Variants in CELF2 observed in about 807,000 individuals in gnomAD.
CELF2 encodes CUG triplet repeat RNA-binding protein 2.
Under a neutral mutation model 62.6 loss-of-function variants are expected in CELF2, and 8 were observed. The observed-to-expected ratio is 0.13, with a 90% confidence interval of 0.07 to 0.23. The LOEUF (loss-of-function observed/expected upper bound fraction) is 0.23. CELF2 is among the 10% of genes least tolerant of loss of function. The probability of loss-of-function intolerance (pLI) is 1.00; values close to 1 mark genes in which losing one functional copy is unlikely to be tolerated. For missense variants in CELF2, 333 were observed against 671.0 expected, an observed-to-expected ratio of 0.50 and a Z score of 5.56; for synonymous variants, 258 against 250.0, an observed-to-expected ratio of 1.03 and a Z score of -0.30.
intron 9 of CELF2, among the ~76,000 whole-genome samples, chr10:11,294,275 C>G (rs932602485): frequency 4.6e-5 from 7 of 152,170 alleles, no homozygotes; most frequent in African/African-American, 1.7e-4. Context: ...AGAAAGTGCC[C>G]ATTAGCTCTG....
the CELF2 span, among the ~76,000 whole-genome samples, chr10:10,593,301 A>C: frequency 1.3e-5 from 2 of 152,222 alleles, no homozygotes; most frequent in African/African-American, 4.8e-5. Context: ...GCTTGGCCAG[A>C]GATGGAAGAT....
rs2062186658 is a variant in CELF2 at position 11,145,935 on chromosome 10, T to G, written c.75-19551T>G. ...TTCTTTTTCATTTTCTAACTACTAC[T>G]TAAAATCCAAGAACATTGTGAGAAT... On this transcript the variant is annotated intron_variant, in intron 1 of 12. Coordinates refer to ENST00000633077, the MANE Select transcript of CELF2 (RefSeq NM_001326342.2). This position sits in a 1 kb window ranked among gnomAD's most constrained non-coding sequence, Gnocchi z 4.3. Among the ~76,000 whole-genome samples the G allele has an allele frequency of 6.6e-6, 1 of 152,212 alleles. No individual in the cohort carries two copies. Among genetic ancestry groups the G allele is most frequent in the African/African-American group, 2.4e-5 (1 of 41,454 alleles).
At chr10:10,675,272 CT>C in the CELF2 span, among the ~76,000 whole-genome samples, 720 of 152,254 alleles carry the variant, frequency 4.7e-3, 4 homozygotes, top group African/African-American at 0.016. Flanking sequence ...GTCTAGGTTG[CT>C]GGTTTCTTTC....
At chr10:11,261,094 C>T (rs1420168993) in intron 5 of CELF2, among the ~76,000 whole-genome samples, 3 of 152,220 alleles carry the variant, frequency 2.0e-5, no homozygotes, top group East Asian at 1.9e-4. Flanking sequence ...TACCCTCTTC[C>T]GTGAGAAAGT....
chr10:10,761,398 G>T, the CELF2 span, among the ~76,000 whole-genome samples: 6 of 152,214 alleles, frequency 3.9e-5, no homozygotes, highest in Non-Finnish European at 7.3e-5. Context: ...TGGTTGAGTA[G>T]GTTGGTAGAG....
At chr10:11,274,853 TGAGTTTCCCCA>T (rs2085395106) in intron 7 of CELF2, among the ~76,000 whole-genome samples, 193 bp from the exon 8 acceptor site, 1 of 9,534 alleles carries the variant, frequency 1.0e-4, no homozygotes, top group Admixed American at 7.6e-3. Context: ...GCAGTGTTAG[TGAGTTTCCCCA>T]GTGTTTATGT....
the CELF2 span, among the ~76,000 whole-genome samples, chr10:10,647,461 T>C: frequency 2.6e-5 from 4 of 152,324 alleles, no homozygotes; most frequent in East Asian, 1.9e-4. Context: ...GGATAACATA[T>C]AGTCACCAAA....
the CELF2 span, among the ~76,000 whole-genome samples, chr10:10,618,359 A>T: frequency 2.0e-5 from 3 of 152,068 alleles, no homozygotes; most frequent in Non-Finnish European, 4.4e-5. Flanking sequence ...TCCTTGAAAG[A>T]GCCCTGATCA....
Position 11,334,076 on chromosome 10 carries a change from TTAAAA to T in CELF2, c.*5027_*5031del, listed in dbSNP as rs1484402899. On this transcript the variant is annotated 3_prime_UTR_variant, in exon 13 of 13. Transcript: ENST00000633077. ...TTATATCTAGCATTAGAATTTTGTC[TTAAAA>T]TAACAGCGGTAAGTTTCACTTTTTA... 1 of 152,664 alleles carries T rather than the reference TTAAAA, an allele frequency of 6.6e-6. No homozygotes were observed. The allele number at this position is 152,664 out of a possible 1,614,324, so 9.5% of individuals were successfully genotyped here. A position where few individuals can be genotyped will look rare whatever the true frequency, so the allele number is the denominator to read the frequency against.
chr10:11,276,243 C>T (rs1259264595), intron 8 of CELF2, among the ~76,000 whole-genome samples: 9 of 152,178 alleles, frequency 5.9e-5, no homozygotes, highest in South Asian at 2.1e-4. Flanking sequence ...CGTTGTGGCC[C>T]GAGGCTCCTG....
chr10:10,771,299 G>A, the CELF2 span, among the ~76,000 whole-genome samples: 1 of 152,120 alleles, frequency 6.6e-6, no homozygotes, highest in South Asian at 2.1e-4. Context: ...GGAAGCCATA[G>A]TTTACAGTGA....
In CELF2 at chr10:11,010,708, T is replaced by C. The variant is rs570218266; in HGVS notation, c.53+5268T>C. On this transcript the variant is annotated intron_variant, in intron 1 of 12. Coordinates refer to the CELF2 transcript ENST00000416382. This position sits in a 1 kb window ranked among gnomAD's most constrained non-coding sequence, Gnocchi z 4.1. ...TCTTGACAGTATAACTATTTAATAG[T>C]TGACATTTTAAAGACATTTCTTTCT... Among the ~76,000 whole-genome samples the C allele has an allele frequency of 1.1e-3, 172 of 152,326 alleles. 3 individuals are homozygous for C. Among genetic ancestry groups the C allele is most frequent in the African/African-American group, 4.1e-3 (169 of 41,552 alleles).
At position 11,090,131 on chromosome 10, in the gene CELF2, A is replaced by G. The variant is rs555765256; in HGVS notation, c.74+71968A>G. On this transcript the variant is annotated intron_variant, in intron 1 of 12. Coordinates refer to ENST00000633077, the MANE Select transcript of CELF2 (RefSeq NM_001326342.2). ...ACACCCCAAACCTCAGCATCACGCA[A>G]TATACCCAGGTTACAAACCTGCACA... Among the ~76,000 whole-genome samples, 19 of 152,200 alleles carry G rather than the reference A, an allele frequency of 1.2e-4. No homozygotes were observed. The East Asian group carries it at 3.1e-3, about 25-fold the overall frequency.
At chr10:11,053,146 A>AT (rs1423433870) in intron 1 of CELF2, among the ~76,000 whole-genome samples, 15 of 152,224 alleles carry the variant, frequency 9.9e-5, no homozygotes, top group Admixed American at 3.9e-4. Context: ...ATGCCTTTGA[A>AT]TTATCAACCA....
rs2056488310 is a variant in CELF2, at chr10:11,011,661, G to A, written c.53+6221G>A. 7.7e-6 allele frequency among the ~76,000 whole-genome samples: 1 copy of A among 130,534 alleles called. No homozygotes were observed. Among genetic ancestry groups the A allele is most frequent in the Non-Finnish European group, 1.5e-5 (1 of 66,858 alleles). 85.6% of individuals were successfully genotyped at this position (130,534 alleles called of 152,430 possible). On this transcript the variant is annotated intron_variant, in intron 1 of 12. Coordinates refer to the CELF2 transcript ENST00000416382. The surrounding 1 kb of genome is among the most constrained non-coding windows in gnomAD (Gnocchi z 4.6). ...ATGACACTTTGTACTCAGCGATAGT[G>A]GTAGGACAAGATAGAACATACTCCA...
At chr10:11,206,043 T>C (rs974768442) in intron 2 of CELF2, among the ~76,000 whole-genome samples, 1 of 152,270 alleles carries the variant, frequency 6.6e-6, no homozygotes. Flanking sequence ...ACCTTTGTTC[T>C]GCTTTGGATT....
the CELF2 span, among the ~76,000 whole-genome samples, chr10:10,520,519 A>C: frequency 5.3e-5 from 8 of 152,180 alleles, no homozygotes; most frequent in Non-Finnish European, 1.2e-4. Context: ...GATTCAATGG[A>C]GAGCAAAACC....
the CELF2 span, among the ~76,000 whole-genome samples, chr10:10,792,074 A>AG: frequency 8.9e-6 from 1 of 112,348 alleles, no homozygotes; most frequent in Non-Finnish European, 1.8e-5. Context: ...GGGAGGAAGG[A>AG]GGAAAGGGAG....
chr10:10,532,062 G>A, the CELF2 span, among the ~76,000 whole-genome samples: 4 of 152,228 alleles, frequency 2.6e-5, no homozygotes, highest in East Asian at 5.8e-4. Context: ...TAAGCCTCAA[G>A]TATTCCATAT....
Sources: allele counts gnomAD v4.1 joint callset (sites outside exome capture counted in the v4.1 genomes callset), GRCh38; gene constraint gnomAD v4.1.1; non-coding constraint Gnocchi (gnomAD v3.1); transcripts MANE v1.5; gene names NCBI Gene and HGNC (gene_info 2026-07-23, HGNC 2026-07-21).